Variants in VPS45 observed in about 807,000 individuals in gnomAD.
The protein encoded by VPS45 is vacuolar protein sorting-associated protein 45.
VPS45 carries 35 observed loss-of-function variants against 75.9 expected under a neutral mutation model. That is an observed-to-expected ratio of 0.46 (90% CI 0.35 to 0.61). The LOEUF is 0.61. Ranked by LOEUF, VPS45 falls within the 20% of genes least tolerant of loss-of-function variation. The probability of loss-of-function intolerance (pLI) is 0.00; values close to 1 mark genes in which losing one functional copy is unlikely to be tolerated. For synonymous variants in VPS45, 220 were observed against 238.2 expected (o/e 0.92, Z 0.70); for missense variants, 559 against 685.9 (o/e 0.81, Z 2.07).
intron 14 of VPS45, among the ~76,000 whole-genome samples, chr1:150,120,313 T>C (rs1658169241): frequency 6.6e-6 from 1 of 152,214 alleles, no homozygotes; most frequent in Admixed American, 6.5e-5. Flanking sequence ...TTTCTCTATT[T>C]TTATTTCTGA....
Position 150,082,874 on chromosome 1 carries a change from T to C in VPS45, c.1095T>C (p.Ser365=). 1.2e-6 allele frequency: 2 copies of C among 1,613,792 alleles called. No homozygotes were observed. The highest frequency in any genetic ancestry group is 1.7e-6 in the Non-Finnish European group (2 of 1,179,798). ...QELACQNDHS[S]ALQNIKRLLQ... is the part of the protein sequence containing the mutation. ...TGGCCTGTCAAAATGACCATTCTAGTGCTCTCCAGGTCAGTCCAATTTGAT... is the reference window on the plus strand; with the variant it reads ...TGGCCTGTCAAAATGACCATTCTAGCGCTCTCCAGGTCAGTCCAATTTGAT... The change falls in exon 10 of 15, where the codon AGT becomes AGC. Residue 365 remains serine (S), a synonymous_variant. Coordinates refer to ENST00000644510, the MANE Select transcript of VPS45 (RefSeq NM_007259.5).
chr1:150,069,209 C>A (rs868987748), intron 2 of VPS45, among the ~76,000 whole-genome samples: 5 of 152,100 alleles, frequency 3.3e-5, no homozygotes, highest in South Asian at 4.1e-4. Context: ...CCATTAAAGC[C>A]CTACTTTGTT....
intron 14 of VPS45, among the ~76,000 whole-genome samples, chr1:150,126,567 G>A (rs1553810788): frequency 6.6e-6 from 1 of 152,004 alleles, no homozygotes; most frequent in Admixed American, 6.6e-5. Flanking sequence ...TCTATATCTT[G>A]ATTGAGGAGT....
At chr1:150,132,150 G>T (rs1553812533) in intron 14 of VPS45, among the ~76,000 whole-genome samples, 1 of 151,976 alleles carries the variant, frequency 6.6e-6, no homozygotes, top group Non-Finnish European at 1.5e-5. Flanking sequence ...TTTCTTTTGT[G>T]TAAGCTACTT....
chr1:150,125,452 C>T (rs1344058624), intron 14 of VPS45, among the ~76,000 whole-genome samples: 1 of 151,058 alleles, frequency 6.6e-6, no homozygotes, highest in African/African-American at 2.4e-5. Flanking sequence ...TGGTGTGCTG[C>T]ACCCATTAAC....
chr1:150,067,914 G>T lies in VPS45; in HGVS notation c.57G>T (p.Gly19=), dbSNP rs1202625228. 11 of 1,614,088 alleles carry T rather than the reference G, an allele frequency of 6.8e-6. No homozygotes were observed. Among genetic ancestry groups the T allele is most frequent in the Non-Finnish European group, 9.3e-6 (11 of 1,180,026 alleles). The change falls in exon 1 of 15, where the codon GGG becomes GGT. Residue 19 remains glycine (G), a synonymous_variant. Transcript: ENST00000644510. ...TTTCCAAAATGATAGAGGACAGCGG[G>T]CCTGGTATGAAAGTACTTCTCATGG... ...QYISKMIEDS[G]PGMKVLLMDK...
intron 14 of VPS45, among the ~76,000 whole-genome samples, chr1:150,129,159 G>A (rs972514170): frequency 5.9e-5 from 9 of 152,106 alleles, no homozygotes; most frequent in African/African-American, 7.2e-5. Flanking sequence ...TTCTGTGCAC[G>A]GTGCTAGAAA....
chr1:150,097,025 C>T (rs889205966), intron 13 of VPS45, among the ~76,000 whole-genome samples: 11 of 149,756 alleles, frequency 7.3e-5, no homozygotes, highest in Admixed American at 2.7e-4. Context: ...TAACTCCTCA[C>T]GGGTGATATG....
In VPS45 at chr1:150,081,955, AC is replaced by A; in HGVS notation, c.896del (p.Pro299GlnfsTer7). The A allele has an allele frequency of 6.2e-7, 1 of 1,613,418 alleles. No homozygotes were observed. Among genetic ancestry groups the A allele is most frequent in the African/African-American group, 1.3e-5 (1 of 75,040 alleles). ...NLMEDFQKKK[P>X]KEQQKLESIA... ...TCATGGAAGATTTTCAGAAGAAGAA[AC>A]CAAAAGAACAGCAAAAACTAGAATC... On this transcript the variant is annotated frameshift_variant, in exon 9 of 15. Coordinates refer to ENST00000644510, the MANE Select transcript of VPS45 (RefSeq NM_007259.5). LOFTEE classifies it high-confidence loss of function.
intron 14 of VPS45, among the ~76,000 whole-genome samples, chr1:150,126,508 G>A (rs587724325): frequency 1.7e-4 from 25 of 150,738 alleles, no homozygotes; most frequent in South Asian, 1.3e-3. Flanking sequence ...CCACCACACC[G>A]GCCTGTTTTT....
At chr1:150,086,343 T>TAGG (rs1343617683) in intron 10 of VPS45, among the ~76,000 whole-genome samples, 119 of 152,262 alleles carry the variant, frequency 7.8e-4, no homozygotes, top group Non-Finnish European at 4.7e-4. Context: ...ACTTGGTACT[T>TAGG]ACAGCTTTCA....
At position 150,068,753 on chromosome 1, in the gene VPS45, C is replaced by A. The variant is rs1410688679; in HGVS notation, c.217C>A (p.Arg73=). Residue 73 remains arginine, a synonymous_variant, in exon 2 of 15, where the codon CGA becomes AGA. Transcript: ENST00000644510. The part of the protein sequence containing the change: ...MKHLKAICFL[R]PTKENVDYII... ...ACACCTGAAGGCAATTTGTTTTCTT[C>A]GACCTACAAAGGTACTGCATAAACT... 5.6e-6 allele frequency: 9 copies of A among 1,610,804 alleles called. No homozygotes were observed. The African/African-American group carries it at 8.0e-5, about 14-fold the overall frequency.
chr1:150,143,329 C>T (rs1252618248), intron 14 of VPS45, among the ~76,000 whole-genome samples: 1 of 152,100 alleles, frequency 6.6e-6, no homozygotes, highest in Non-Finnish European at 1.5e-5. Context: ...GTGGCTCACG[C>T]TTGTAATCCC....
rs1003600652 is a variant in VPS45, at chr1:150,110,149, C to T, written c.1494-347C>T. 8 of 186,060 alleles carry T rather than the reference C, an allele frequency of 4.3e-5. 1 individual carries two copies. The highest frequency in any genetic ancestry group is 1.4e-4 in the African/African-American group (6 of 42,300). 11.5% of individuals were successfully genotyped at this position (186,060 alleles called of 1,614,324 possible). A position where few individuals can be genotyped will look rare whatever the true frequency, so the allele number is the denominator to read the frequency against. On this transcript the variant is annotated intron_variant, in intron 13 of 14. Coordinates refer to ENST00000644510, the MANE Select transcript of VPS45 (RefSeq NM_007259.5). Reference sequence around the variant, plus strand: ...TATTAATACAAACATAAAATTCTGCCGTATTGATATCATGTCATGGTAAGG... The same window carrying T: ...TATTAATACAAACATAAAATTCTGCTGTATTGATATCATGTCATGGTAAGG...
chr1:150,077,677 A>G lies in VPS45; in HGVS notation c.585A>G (p.Ile195Met). 1 of 1,612,896 alleles carries G rather than the reference A, an allele frequency of 6.2e-7. No individual in the cohort carries two copies. Among genetic ancestry groups the G allele is most frequent in the Non-Finnish European group, 8.5e-7 (1 of 1,178,920 alleles). ...TTCTCTCTCACCCACAGCAAGTGAT[A>G]ACTAAAGAATATGAACTGTTTGAAT... Reference protein sequence around the residue: ...KRLAECVKQVITKEYELFEFR... With the variant: ...KRLAECVKQVMTKEYELFEFR... Residue 195 changes from isoleucine (I) to methionine (M), a missense_variant, in exon 7 of 15, where the codon ATA (isoleucine) becomes ATG (methionine). By Grantham distance (10) the Ile-to-Met change is conservative. Coordinates refer to ENST00000644510, the MANE Select transcript of VPS45 (RefSeq NM_007259.5).
At chr1:150,136,452 G>A (rs1659103313) in intron 14 of VPS45, among the ~76,000 whole-genome samples, 1 of 151,812 alleles carries the variant, frequency 6.6e-6, no homozygotes, top group Non-Finnish European at 1.5e-5. Flanking sequence ...CTATTGAGGA[G>A]GCTAAGGCAA....
Position 150,092,334 on chromosome 1 carries a change from A to G in VPS45, c.1296A>G (p.Lys432=). The change falls in exon 12 of 15, where the codon AAA becomes AAG. Residue 432 remains lysine (K), a synonymous_variant. Coordinates refer to ENST00000644510, the MANE Select transcript of VPS45 (RefSeq NM_007259.5). ...CTGCAGTTGTTGAATATGGTGGTAA[A>G]CGAGTCAGAGGAAGTGACCTCTTCA... ...LVSAVVEYGG[K]RVRGSDLFSP... 6.2e-7 allele frequency: 1 copy of G among 1,614,158 alleles called. No individual in the cohort carries two copies. Among genetic ancestry groups the G allele is most frequent in the South Asian group, 1.1e-5 (1 of 91,082 alleles).
At chr1:150,079,098 CG>C (rs1199512501) in intron 7 of VPS45, among the ~76,000 whole-genome samples, 1 of 103,298 alleles carries the variant, frequency 9.7e-6, no homozygotes, top group Non-Finnish European at 1.8e-5. Context: ...GCAACGAGAG[CG>C]AAACTCTTGT....
intron 13 of VPS45, among the ~76,000 whole-genome samples, chr1:150,103,068 TA>T (rs1559923012): frequency 8.7e-4 from 1 of 1,146 alleles, no homozygotes; most frequent in Admixed American, 0.036. Context: ...TATTTTTTTT[TA>T]TTTTTAACAA....
Sources: gnomAD v4.1 joint callset for allele counts (sites outside exome capture counted in the v4.1 genomes callset) on GRCh38, gnomAD v4.1.1 for gene constraint, MANE v1.5 for transcripts, NCBI Gene and HGNC (gene_info 2026-07-23, HGNC 2026-07-21) for gene names.